Variants in ADAMTSL1 observed in about 807,000 individuals in gnomAD.
ADAMTSL1 encodes the protein ADAMTS like 1.
Under a neutral mutation model 201.8 loss-of-function variants are expected in ADAMTSL1, and 126 were observed. That is an observed-to-expected ratio of 0.62 (90% CI 0.54 to 0.72). ADAMTSL1 has a LOEUF of 0.72. Among genes scored for constraint, ADAMTSL1 ranks in the 30% least tolerant of loss-of-function variants. The probability of loss-of-function intolerance (pLI) is 0.00; values close to 1 mark genes in which losing one functional copy is unlikely to be tolerated. For missense variants in ADAMTSL1, 2,679 were observed against 2,277.8 expected, an observed-to-expected ratio of 1.18 and a Z score of -3.59; for synonymous variants, 1,121 against 903.4, an observed-to-expected ratio of 1.24 and a Z score of -4.32.
chr9:18,111,608 AT>A (rs1280557923), intron 1 of ADAMTSL1, among the ~76,000 whole-genome samples: 2 of 152,226 alleles, frequency 1.3e-5, no homozygotes, highest in African/African-American at 2.4e-5. Flanking sequence ...TCATTTAAAA[AT>A]ATGCACAAGA....
chr9:18,765,140 G>C (rs1820288854), intron 16 of ADAMTSL1, among the ~76,000 whole-genome samples: 1 of 152,092 alleles, frequency 6.6e-6, no homozygotes, highest in African/African-American at 2.4e-5. Flanking sequence ...TTAACTACTT[G>C]TTTATTGTGG....
At chr9:18,671,813 A>C (rs953522203) in intron 9 of ADAMTSL1, among the ~76,000 whole-genome samples, 6 of 152,142 alleles carry the variant, frequency 3.9e-5, no homozygotes, top group African/African-American at 1.4e-4. Context: ...CAAGGTGGGC[A>C]GATCACGAGG....
At chr9:18,221,321 A>G (rs1406308236) in intron 2 of ADAMTSL1, among the ~76,000 whole-genome samples, 1 of 152,220 alleles carries the variant, frequency 6.6e-6, no homozygotes, top group Non-Finnish European at 1.5e-5. Flanking sequence ...TTTCTTTAAC[A>G]TGAAGATTTT....
Position 18,460,426 on chromosome 9 carries a change from G to A in ADAMTSL1, c.208-44403G>A, listed in dbSNP as rs558283484. ...AACTTCTTCAGCCCTAACCAAGGGGGACTATCCTCTTTAGTGGTAAAAGTA... is the reference window on the plus strand; with the variant it reads ...AACTTCTTCAGCCCTAACCAAGGGGAACTATCCTCTTTAGTGGTAAAAGTA... On this transcript the variant is annotated intron_variant, in intron 2 of 29. Transcript: ENST00000680146. 3.9e-5 allele frequency among the ~76,000 whole-genome samples: 6 copies of A among 152,244 alleles called. No individual in the cohort carries two copies. The South Asian group carries it at 8.3e-4, about 21-fold the overall frequency.
At chr9:18,141,638 C>G (rs1021034650) in intron 1 of ADAMTSL1, among the ~76,000 whole-genome samples, 1 of 152,272 alleles carries the variant, frequency 6.6e-6, no homozygotes, top group East Asian at 1.9e-4. Context: ...GTGGCCTGCT[C>G]TTTGTGGCAG....
At chr9:18,144,219 CTTTT>C (rs869169323) in intron 1 of ADAMTSL1, among the ~76,000 whole-genome samples, 1 of 92,180 alleles carries the variant, frequency 1.1e-5, no homozygotes, top group African/African-American at 4.1e-5. Context: ...TTCTTTCTTT[CTTTT>C]TTTGAGACCG....
intron 4 of ADAMTSL1, among the ~76,000 whole-genome samples, chr9:18,589,457 G>A (rs765213086): frequency 6.6e-6 from 1 of 152,122 alleles, no homozygotes; most frequent in African/African-American, 2.4e-5. Flanking sequence ...TTGTTCACAA[G>A]TTATAAGAGT....
At chr9:17,971,111 T>C (rs184838326) in intron 1 of ADAMTSL1, among the ~76,000 whole-genome samples, 21 of 152,196 alleles carry the variant, frequency 1.4e-4, no homozygotes, top group Non-Finnish European at 1.5e-5. Context: ...AAGGTGGCCT[T>C]AATGCTGTTT....
chr9:18,623,150 C>T (rs972668454), intron 5 of ADAMTSL1, among the ~76,000 whole-genome samples: 3 of 152,120 alleles, frequency 2.0e-5, no homozygotes, highest in Non-Finnish European at 2.9e-5. Flanking sequence ...CCCGCCTCAG[C>T]CCCCCAAAGT....
chr9:18,363,489 T>G (rs1266784003), intron 2 of ADAMTSL1, among the ~76,000 whole-genome samples: 1 of 152,248 alleles, frequency 6.6e-6, no homozygotes, highest in African/African-American at 2.4e-5. Context: ...CTGTGTGACC[T>G]TAAGTTAAAT....
At chr9:18,770,895 G>T (rs1389599187) in intron 17 of ADAMTSL1, 114 bp downstream of exon 17, 1 of 1,149,448 alleles carries the variant, frequency 8.7e-7, no homozygotes, top group Non-Finnish European at 1.2e-6. Flanking sequence ...TAATATTATG[G>T]AATAGTATTT....
At chr9:18,564,484 G>T (rs1348998350) in intron 3 of ADAMTSL1, among the ~76,000 whole-genome samples, 21 of 152,176 alleles carry the variant, frequency 1.4e-4, no homozygotes, top group Admixed American at 1.4e-3. Context: ...TGCCTCACTT[G>T]TAAATAGAAA....
At chr9:18,289,451 G>A (rs1833163130) in intron 2 of ADAMTSL1, among the ~76,000 whole-genome samples, 1 of 152,168 alleles carries the variant, frequency 6.6e-6, no homozygotes, top group Non-Finnish European at 1.5e-5. Flanking sequence ...CCAGGACCAA[G>A]AGAAAGACTT....
intron 4 of ADAMTSL1, among the ~76,000 whole-genome samples, chr9:18,585,011 G>C (rs767768968): frequency 6.6e-6 from 1 of 152,122 alleles, no homozygotes; most frequent in Non-Finnish European, 1.5e-5. Flanking sequence ...CTTCGATCTA[G>C]GTTTTTTTCT....
chr9:18,015,134 A>T (rs1820204650), intron 1 of ADAMTSL1, among the ~76,000 whole-genome samples: 1 of 152,014 alleles, frequency 6.6e-6, no homozygotes, highest in Non-Finnish European at 1.5e-5. Flanking sequence ...AGTTTTATTG[A>T]TCTAGGGAAG....
intron 4 of ADAMTSL1, among the ~76,000 whole-genome samples, chr9:18,582,721 C>T (rs979721557): frequency 6.6e-6 from 1 of 151,780 alleles, no homozygotes; most frequent in African/African-American, 2.4e-5. Flanking sequence ...TGGTAGAGGG[C>T]ACCTGTAGTC....
At chr9:18,141,746 A>G (rs1319820478) in intron 1 of ADAMTSL1, among the ~76,000 whole-genome samples, 1 of 152,186 alleles carries the variant, frequency 6.6e-6, no homozygotes, top group East Asian at 1.9e-4. Context: ...ATCTGACAGC[A>G]TCTCCTGCAC....
At chr9:17,981,731 T>G (rs1348892810) in intron 1 of ADAMTSL1, among the ~76,000 whole-genome samples, 1 of 152,234 alleles carries the variant, frequency 6.6e-6, no homozygotes, top group African/African-American at 2.4e-5. Context: ...GTTCACTGTA[T>G]GATCACACAT....
chr9:18,006,282 C>T (rs916685274), intron 1 of ADAMTSL1, among the ~76,000 whole-genome samples: 1 of 151,894 alleles, frequency 6.6e-6, no homozygotes, highest in Non-Finnish European at 1.5e-5. Context: ...TTAGGACATT[C>T]TGTTTTGAGT....
Sources: gnomAD v4.1 joint callset for allele counts (sites outside exome capture counted in the v4.1 genomes callset) on GRCh38, gnomAD v4.1.1 for gene constraint, MANE v1.5 for transcripts, NCBI Gene and HGNC (gene_info 2026-07-23, HGNC 2026-07-21) for gene names.